Variants in UBA3 observed in about 807,000 individuals in gnomAD.
UBA3 encodes the protein NEDD8-activating enzyme E1 catalytic subunit.
Under a neutral mutation model 73.5 loss-of-function variants are expected in UBA3, and 26 were observed. The observed-to-expected ratio is 0.35, with a 90% CI of 0.26 to 0.49. The LOEUF (loss-of-function observed/expected upper bound fraction) is 0.49. Among genes scored for constraint, UBA3 ranks in the 20% least tolerant of loss-of-function variants. The probability of loss-of-function intolerance (pLI) is 0.98; values close to 1 mark genes in which losing one functional copy is unlikely to be tolerated. For synonymous variants in UBA3, 217 were observed against 191.2 expected (o/e 1.13, Z -1.11); for missense variants, 495 against 555.6 (o/e 0.89, Z 1.10).
intron 1 of UBA3, 45 bp from the exon 2 acceptor site, chr3:69,080,198 G>A: frequency 6.3e-7 from 1 of 1,593,992 alleles, no homozygotes; most frequent in South Asian, 1.1e-5. Flanking sequence ...GCTACACACT[G>A]GGCGCCGCGA....
At chr3:69,059,623 A>G (rs1262160341) in intron 11 of UBA3, among the ~76,000 whole-genome samples, 1 of 152,190 alleles carries the variant, frequency 6.6e-6, no homozygotes, top group East Asian at 1.9e-4. Context: ...TGGTGTGTTC[A>G]AGGAACACAA....
In UBA3 at chr3:69,080,323, C is replaced by A. The variant is rs538813236; in HGVS notation, c.20+11G>T. 5.0e-6 allele frequency: 8 copies of A among 1,604,266 alleles called. No individual in the cohort carries two copies. The highest frequency in any genetic ancestry group is 3.4e-5 in the Admixed American group (2 of 59,548). On this transcript the variant is annotated intron_variant, in intron 1 of 17. Transcript: ENST00000361055. ...CCCAGCCCGGCGCGTCTGCAGAGCC[C>A]CGGTACTTACGGCTCCTCGCCATCC...
chr3:69,064,908 GAGAAAAAAGGGACAATACAT>G (rs1302857020), intron 6 of UBA3, among the ~76,000 whole-genome samples: 2 of 151,986 alleles, frequency 1.3e-5, no homozygotes, highest in African/African-American at 4.8e-5. Context: ...AAGCAATACA[GAGAAAAAAGGGACAATACAT>G]AGAAAAAAGG....
chr3:69,072,240 A>G (rs1025958083), intron 4 of UBA3, among the ~76,000 whole-genome samples: 1 of 152,228 alleles, frequency 6.6e-6, no homozygotes, highest in African/African-American at 2.4e-5. Flanking sequence ...CAAATTTAGC[A>G]GCAGATGCAA....
rs137997772 is a variant in UBA3, at chr3:69,079,806, T to C, written c.62+306A>G. The stretch of plus-strand genomic sequence containing the variant: ...TTCACAGGGTCACTGCTCTGACAAT[T>C]TGGGATGGAGGAAGAGGAGTGCACA... On this transcript the variant is annotated intron_variant, in intron 2 of 17. Transcript: ENST00000361055. The C allele has an allele frequency of 9.4e-4, 380 of 403,294 alleles. 1 individual carries two copies. The highest frequency in any genetic ancestry group is 7.7e-3 in the African/African-American group (363 of 47,222). The allele number at this position is 403,294 out of a possible 1,614,324, so 25.0% of individuals were successfully genotyped here. A position where few individuals can be genotyped will look rare whatever the true frequency, so the allele number is the denominator to read the frequency against.
intron 2 of UBA3, among the ~76,000 whole-genome samples, chr3:69,078,910 A>G (rs941041967): frequency 1.3e-5 from 2 of 152,052 alleles, no homozygotes; most frequent in African/African-American, 4.8e-5. Flanking sequence ...ATAAGGTGGG[A>G]CTCCTCTACA....
At chr3:69,063,627 G>C (rs1439048558) in intron 7 of UBA3, 124 bp from the exon 8 acceptor site, 4 of 804,994 alleles carry the variant, frequency 5.0e-6, no homozygotes, top group Non-Finnish European at 7.4e-6. Context: ...TAGGAAGGTA[G>C]TGTGTTTGTG....
chr3:69,064,918 G>A (rs2092056060), intron 6 of UBA3, among the ~76,000 whole-genome samples: 1 of 152,032 alleles, frequency 6.6e-6, no homozygotes, highest in Admixed American at 6.6e-5. Context: ...GAGAAAAAAG[G>A]GACAATACAT....
At chr3:69,072,993 T>C (rs2092134080) in intron 4 of UBA3, among the ~76,000 whole-genome samples, 1 of 152,154 alleles carries the variant, frequency 6.6e-6, no homozygotes, top group Admixed American at 6.5e-5. Flanking sequence ...AATGCTACCA[T>C]CCTGTTTCAA....
intron 6 of UBA3, among the ~76,000 whole-genome samples, chr3:69,065,380 C>G (rs1377033858): frequency 6.6e-6 from 1 of 152,112 alleles, no homozygotes; most frequent in Non-Finnish European, 1.5e-5. Context: ...TTACATCTTA[C>G]TATAGTACAG....
At chr3:69,063,985 G>A in intron 7 of UBA3, 83 bp downstream of exon 7, 1 of 1,192,770 alleles carries the variant, frequency 8.4e-7, no homozygotes, top group Non-Finnish European at 1.2e-6. Flanking sequence ...AAATAGCCTT[G>A]AAATAGCTAG....
At chr3:69,061,983 AC>A (rs770343993) in intron 10 of UBA3, 56 bp from the exon 11 acceptor site, 7 of 1,459,442 alleles carry the variant, frequency 4.8e-6, no homozygotes, top group Non-Finnish European at 6.6e-6. Context: ...ATACGTAATC[AC>A]AAAACAATGT....
chr3:69,064,161 G>T, intron 6 of UBA3, 50 bp from the exon 7 acceptor site: 2 of 1,466,234 alleles, frequency 1.4e-6, no homozygotes, highest in Non-Finnish European at 1.9e-6. Flanking sequence ...TTTCTAAAAT[G>T]AATTTGACAA....
chr3:69,065,247 C>A (rs2092059554), intron 6 of UBA3, among the ~76,000 whole-genome samples: 1 of 151,736 alleles, frequency 6.6e-6, no homozygotes, highest in Non-Finnish European at 1.5e-5. Flanking sequence ...CCCACCCCCA[C>A]CAACTCTTCC....
chr3:69,075,346 G>A lies in UBA3; in HGVS notation c.264+84C>T, dbSNP rs915213836. The stretch of plus-strand genomic sequence containing the variant: ...CAAGAGAAAAGGTTAAGAATCACGA[G>A]AAATTCCCTAGTATGACAGATAAGT... On this transcript the variant is annotated intron_variant, in intron 4 of 17. Coordinates refer to ENST00000361055, the MANE Select transcript of UBA3 (RefSeq NM_003968.4). 3 of 615,078 alleles carry A rather than the reference G, an allele frequency of 4.9e-6. No individual in the cohort carries two copies. The African/African-American group carries it at 5.9e-5, about 12-fold the overall frequency. 38.1% of individuals were successfully genotyped at this position (615,078 alleles called of 1,614,324 possible).
At chr3:69,079,934 G>C in intron 2 of UBA3, 178 bp downstream of exon 2, 2 of 567,526 alleles carry the variant, frequency 3.5e-6, no homozygotes, top group Non-Finnish European at 6.1e-6. Context: ...CAGATACCGG[G>C]AGCGGCCCGC....
chr3:69,068,573 C>T (rs183992163), intron 5 of UBA3, among the ~76,000 whole-genome samples: 330 of 150,760 alleles, frequency 2.2e-3, no homozygotes, highest in Non-Finnish European at 3.6e-3. Flanking sequence ...AGGCTGTAAC[C>T]ACGTTTTTTT....
At chr3:69,075,391 G>T in intron 4 of UBA3, 39 bp downstream of exon 4, 1 of 1,036,242 alleles carries the variant, frequency 9.7e-7, no homozygotes, top group Non-Finnish European at 1.3e-6. Context: ...TTATCACAAA[G>T]AAGAAAAAAA....
chr3:69,063,524 A>G, intron 7 of UBA3, 21 bp from the exon 8 acceptor site: 1 of 1,519,116 alleles, frequency 6.6e-7, no homozygotes, highest in South Asian at 1.3e-5. Context: ...AAAAAAAAGC[A>G]ACTTTAGTTT....
Sources: allele counts gnomAD v4.1 joint callset (sites outside exome capture counted in the v4.1 genomes callset), GRCh38; gene constraint gnomAD v4.1.1; transcripts MANE v1.5; gene names NCBI Gene and HGNC (gene_info 2026-07-23, HGNC 2026-07-21).